Variants in LRRC3B observed in about 807,000 individuals in gnomAD.
LRRC3B encodes leucine-rich repeat-containing protein 3B.
Under a neutral mutation model 12.8 loss-of-function variants are expected in LRRC3B, and 2 were observed. The ratio of observed to expected loss-of-function variants is 0.16; its 90% CI spans 0.06 to 0.49. The LOEUF (loss-of-function observed/expected upper bound fraction) is 0.49. Among genes scored for constraint, LRRC3B ranks in the 20% least tolerant of loss-of-function variants. The pLI is 0.96. For synonymous variants in LRRC3B, 132 were observed against 122.0 expected (o/e 1.08, Z -0.54); for missense variants, 189 against 319.4 (o/e 0.59, Z 3.11).
intron 1 of LRRC3B, among the ~76,000 whole-genome samples, chr3:26,648,685 C>G (rs1441603251): frequency 6.6e-6 from 1 of 152,302 alleles, no homozygotes; most frequent in South Asian, 2.1e-4. Context: ...ACCCCTCACA[C>G]AAATGCGCAT....
chr3:26,658,005 A>G (rs1699411813), intron 1 of LRRC3B, among the ~76,000 whole-genome samples: 1 of 152,210 alleles, frequency 6.6e-6, no homozygotes, highest in African/African-American at 2.4e-5. Context: ...AGTACTGACT[A>G]TCAAATTTAG....
intron 1 of LRRC3B, among the ~76,000 whole-genome samples, chr3:26,630,901 A>G (rs972718213): frequency 3.3e-5 from 5 of 152,154 alleles, no homozygotes; most frequent in African/African-American, 1.2e-4. Context: ...CAGTAGGTAT[A>G]AATCAGGACA....
At chr3:26,690,040 G>A (rs552434164) in intron 1 of LRRC3B, among the ~76,000 whole-genome samples, 2 of 152,304 alleles carry the variant, frequency 1.3e-5, no homozygotes, top group South Asian at 2.1e-4. Flanking sequence ...CTTACATGCT[G>A]TGACTCTGCA....
At chr3:26,708,985 G>A (rs908119811) in intron 1 of LRRC3B, among the ~76,000 whole-genome samples, 1 of 152,188 alleles carries the variant, frequency 6.6e-6, no homozygotes, top group Non-Finnish European at 1.5e-5. Context: ...TTGTTGGAAT[G>A]CATTTATTAT....
intron 1 of LRRC3B, among the ~76,000 whole-genome samples, chr3:26,627,039 A>G (rs985275855): frequency 4.6e-5 from 7 of 152,218 alleles, no homozygotes; most frequent in African/African-American, 1.7e-4. Context: ...AGGCAAAACA[A>G]TATATTTCTG....
At chr3:26,672,690 A>G (rs1353327728) in intron 1 of LRRC3B, among the ~76,000 whole-genome samples, 4 of 152,210 alleles carry the variant, frequency 2.6e-5, no homozygotes, top group Non-Finnish European at 4.4e-5. Flanking sequence ...TATTGCTCCA[A>G]TTAGAGTGGC....
At chr3:26,681,552 T>C (rs994409055) in intron 1 of LRRC3B, among the ~76,000 whole-genome samples, 15 of 152,202 alleles carry the variant, frequency 9.9e-5, no homozygotes, top group Non-Finnish European at 2.2e-4. Context: ...AGACTTGATT[T>C]TTCTTATCTG....
At chr3:26,701,359 C>T (rs185752124) in intron 1 of LRRC3B, 5 of 152,110 alleles carry the variant, frequency 3.3e-5, no homozygotes, top group African/African-American at 9.6e-5. Flanking sequence ...GGATTCAGGT[C>T]TCTCTCTCCT....
At chr3:26,648,601 G>T (rs1699201236) in intron 1 of LRRC3B, among the ~76,000 whole-genome samples, 1 of 152,018 alleles carries the variant, frequency 6.6e-6, no homozygotes, top group Non-Finnish European at 1.5e-5. Context: ...TGTTTCTCCT[G>T]TCCCCTCCCT....
rs149890258 is a variant in LRRC3B at position 26,676,087 on chromosome 3, T to A, written c.-160-33426T>A. ...TTTGGGCCTGTTTTTTCTTTTTTTT[T>A]AATTATTATTAATACTTAAAGTTTT... On this transcript the variant is annotated intron_variant, in intron 1 of 1. Transcript: ENST00000396641. Among the ~76,000 whole-genome samples the A allele has an allele frequency of 9.5e-3, 1,446 of 152,120 alleles. 23 individuals carry two copies. Among genetic ancestry groups the A allele is most frequent in the African/African-American group, 0.03 (1,240 of 41,436 alleles).
intron 1 of LRRC3B, among the ~76,000 whole-genome samples, chr3:26,665,972 C>G (rs574928848): frequency 6.6e-6 from 1 of 152,252 alleles, no homozygotes; most frequent in Non-Finnish European, 1.5e-5. Context: ...ATAAATCATT[C>G]AAGGATTATG....
intron 1 of LRRC3B, among the ~76,000 whole-genome samples, chr3:26,685,547 A>G (rs1454528116): frequency 2.2e-5 from 3 of 133,944 alleles, no homozygotes; most frequent in Non-Finnish European, 4.8e-5. Flanking sequence ...ATATATATAT[A>G]TATATATATA....
intron 1 of LRRC3B, among the ~76,000 whole-genome samples, chr3:26,687,481 C>T (rs1171935864): frequency 6.6e-6 from 1 of 152,194 alleles, no homozygotes; most frequent in East Asian, 1.9e-4. Context: ...TTGGGCTTCT[C>T]TGTGTGGCAC....
At chr3:26,669,747 T>C (rs963829402) in intron 1 of LRRC3B, among the ~76,000 whole-genome samples, 1 of 152,250 alleles carries the variant, frequency 6.6e-6, no homozygotes, top group Non-Finnish European at 1.5e-5. Context: ...TAATGTCATA[T>C]GGTTGCCGGT....
At chr3:26,699,557 G>A (rs1316109400) in intron 1 of LRRC3B, among the ~76,000 whole-genome samples, 4 of 152,122 alleles carry the variant, frequency 2.6e-5, no homozygotes, top group African/African-American at 4.8e-5. Context: ...TCTTGTGTAA[G>A]AAGGATAAAG....
At chr3:26,629,515 T>A (rs1698707473) in intron 1 of LRRC3B, among the ~76,000 whole-genome samples, 1 of 152,214 alleles carries the variant, frequency 6.6e-6, no homozygotes, top group African/African-American at 2.4e-5. Flanking sequence ...GCTCCCCCTG[T>A]TAGCGGTGAC....
chr3:26,669,432 C>G (rs1354842807), intron 1 of LRRC3B, among the ~76,000 whole-genome samples: 1 of 152,136 alleles, frequency 6.6e-6, no homozygotes, highest in African/African-American at 2.4e-5. Context: ...TTTACTAGAT[C>G]CAGTAAATGA....
chr3:26,626,427 G>A lies in LRRC3B; in HGVS notation c.-161+3190G>A, dbSNP rs115121317. 1.0e-2 allele frequency among the ~76,000 whole-genome samples: 1,519 copies of A among 152,212 alleles called. 27 individuals carry two copies. The highest frequency in any genetic ancestry group is 0.033 in the African/African-American group (1,365 of 41,526). On this transcript the variant is annotated intron_variant, in intron 1 of 1. Coordinates refer to ENST00000396641, the Ensembl canonical transcript of LRRC3B. Reference sequence around the variant, plus strand: ...CACATAATTAGTTAGAGCTAAGAGGGATCTCAGATATTATCCCACCCAATC... The same window carrying A: ...CACATAATTAGTTAGAGCTAAGAGGAATCTCAGATATTATCCCACCCAATC...
chr3:26,673,721 A>G (rs1049998846), intron 1 of LRRC3B, among the ~76,000 whole-genome samples: 5 of 152,098 alleles, frequency 3.3e-5, no homozygotes, highest in African/African-American at 4.8e-5. Flanking sequence ...GATCCCCCTC[A>G]TATTATCTCC....
Sources: allele counts gnomAD v4.1 joint callset (sites outside exome capture counted in the v4.1 genomes callset), GRCh38; gene constraint gnomAD v4.1.1; transcripts MANE v1.5; gene names NCBI Gene and HGNC (gene_info 2026-07-23, HGNC 2026-07-21).